The following NR6A1 variants were observed in gnomAD, a reference collection of about 807,000 sequenced individuals.
The protein encoded by NR6A1 is retinoic acid receptor-related testis-associated receptor.
NR6A1 carries 7 observed loss-of-function variants against 59.1 expected under a neutral mutation model. The ratio of observed to expected loss-of-function variants is 0.12; its 90% CI spans 0.07 to 0.22. The LOEUF (loss-of-function observed/expected upper bound fraction) is 0.22. Among genes scored for constraint, NR6A1 ranks in the 10% least tolerant of loss-of-function variants. NR6A1 has a pLI of 1.00. For missense variants in NR6A1, 468 were observed against 611.6 expected, an observed-to-expected ratio of 0.77 and a Z score of 2.48; for synonymous variants, 243 against 236.1, an observed-to-expected ratio of 1.03 and a Z score of -0.27.
At chr9:124,531,718 C>T (rs1036380984) in intron 7 of NR6A1, among the ~76,000 whole-genome samples, 2 of 152,224 alleles carry the variant, frequency 1.3e-5, no homozygotes, top group African/African-American at 4.8e-5. Context: ...ATCTTCCCTG[C>T]TCCTTCATCC....
intron 2 of NR6A1, among the ~76,000 whole-genome samples, chr9:124,707,158 A>T (rs1308460565): frequency 1.3e-5 from 2 of 152,118 alleles, no homozygotes; most frequent in Non-Finnish European, 2.9e-5. Context: ...TTGATGTCCC[A>T]CAGATCTCAG....
In NR6A1 at chr9:124,771,218, A is replaced by G. The variant is rs953904882; in HGVS notation, c.-99T>C. On this transcript the variant is annotated 5_prime_UTR_variant, in exon 1 of 10. Transcript: ENST00000487099. ...CCGCCGAGGGGAGGAGGTTGTCAGG[A>G]GCCCGCGAGCTCCCGGCCGCGGCTC... 10 of 623,594 alleles carry G rather than the reference A, an allele frequency of 1.6e-5. No individual in the cohort carries two copies. Among genetic ancestry groups the G allele is most frequent in the South Asian group, 8.1e-5 (1 of 12,416 alleles). 38.6% of individuals were successfully genotyped at this position (623,594 alleles called of 1,614,324 possible).
intron 7 of NR6A1, 69 bp from the exon 8 acceptor site, chr9:124,526,969 G>A (rs1201412119): frequency 1.9e-6 from 3 of 1,586,902 alleles, no homozygotes; most frequent in Non-Finnish European, 1.7e-6. Flanking sequence ...GGCAGCCAGA[G>A]AGCTCCTACA....
chr9:124,554,195 A>G, intron 3 of NR6A1, 133 bp downstream of exon 3: 3 of 1,381,034 alleles, frequency 2.2e-6, no homozygotes, highest in Non-Finnish European at 2.0e-6. Context: ...AGAATGGTTC[A>G]TTTTTGGTTA....
intron 1 of NR6A1, among the ~76,000 whole-genome samples, chr9:124,739,895 A>G (rs1293980158): frequency 7.9e-5 from 12 of 152,230 alleles, no homozygotes; most frequent in Admixed American, 7.9e-4. Flanking sequence ...CAACAGAGAC[A>G]TGGACTCTGG....
chr9:124,729,429 AC>A (rs932597934), intron 2 of NR6A1, among the ~76,000 whole-genome samples: 1 of 152,158 alleles, frequency 6.6e-6, no homozygotes, highest in Non-Finnish European at 1.5e-5. Flanking sequence ...GAAAAAAAAT[AC>A]AAAAGTTAGC....
Position 124,747,955 on chromosome 9 carries a change from T to C in NR6A1, c.101-14606A>G, listed in dbSNP as rs1223411774. On this transcript the variant is annotated intron_variant, in intron 1 of 9. Transcript: ENST00000487099. ...TTTTCAACTTTTTAGCATACATTAATAGCACCAAATTACAGAAATAAACAA... is the reference window on the plus strand; with the variant it reads ...TTTTCAACTTTTTAGCATACATTAACAGCACCAAATTACAGAAATAAACAA... Among the ~76,000 whole-genome samples the C allele has an allele frequency of 3.9e-5, 6 of 152,208 alleles. No individual in the cohort carries two copies. In the East Asian group the frequency reaches 7.7e-4, roughly 19 times the overall value.
At position 124,682,401 on chromosome 9, in the gene NR6A1, T is replaced by C. The variant is rs1012649878; in HGVS notation, c.142+50907A>G. On this transcript the variant is annotated intron_variant, in intron 2 of 9. Transcript: ENST00000487099. ...CTGACTATTAAAAAATCTTTTTTTA[T>C]ATATCTACGTAAAACCAGATTTTCT... 6.6e-5 allele frequency among the ~76,000 whole-genome samples: 10 copies of C among 152,222 alleles called. No individual in the cohort carries two copies. The East Asian group carries it at 1.5e-3, about 23-fold the overall frequency.
At chr9:124,731,280 G>T (rs777549936) in intron 2 of NR6A1, among the ~76,000 whole-genome samples, 1 of 150,926 alleles carries the variant, frequency 6.6e-6, no homozygotes, top group Non-Finnish European at 1.5e-5. Context: ...TGATGCAGAA[G>T]AATCACTTGA....
chr9:124,573,849 T>C (rs1367356608), intron 2 of NR6A1, among the ~76,000 whole-genome samples: 1 of 152,176 alleles, frequency 6.6e-6, no homozygotes, highest in Non-Finnish European at 1.5e-5. Context: ...TACACATGCA[T>C]GCTTTGGTAT....
At chr9:124,746,506 T>A (rs1840339402) in intron 1 of NR6A1, among the ~76,000 whole-genome samples, 1 of 152,176 alleles carries the variant, frequency 6.6e-6, no homozygotes, top group Admixed American at 6.5e-5. Flanking sequence ...GGAGAATCAC[T>A]TGAACCCGGG....
intron 2 of NR6A1, among the ~76,000 whole-genome samples, chr9:124,604,041 GAGGGCTTACGC>G (rs1337801556): frequency 6.6e-6 from 1 of 152,174 alleles, no homozygotes; most frequent in East Asian, 1.9e-4. Flanking sequence ...AAAGGACAAT[GAGGGCTTACGC>G]AGTCTTTCTT....
intron 2 of NR6A1, among the ~76,000 whole-genome samples, chr9:124,592,082 A>G (rs944450218): frequency 6.6e-5 from 10 of 152,192 alleles, no homozygotes; most frequent in Non-Finnish European, 1.0e-4. Flanking sequence ...TTTGGTTGCC[A>G]TATTTGTGCC....
At position 124,690,450 on chromosome 9, in the gene NR6A1, T is replaced by G. The variant is rs535905506; in HGVS notation, c.142+42858A>C. Among the ~76,000 whole-genome samples the G allele has an allele frequency of 5.9e-4, 90 of 152,256 alleles. 1 individual carries two copies. The South Asian group carries it at 0.018, about 31-fold the overall frequency. ...GGAAAAGAAAGGAGGTATGTGAAATTAAGGAATGGCATGGTGAGTTCTAAC... is the reference window on the plus strand; with the variant it reads ...GGAAAAGAAAGGAGGTATGTGAAATGAAGGAATGGCATGGTGAGTTCTAAC... On this transcript the variant is annotated intron_variant, in intron 2 of 9. Transcript: ENST00000487099.
rs541907107 is a variant in NR6A1, at chr9:124,612,818, T to TTTC, written c.143-58249_143-58248insGAA. Among the ~76,000 whole-genome samples, 5 of 139,716 alleles carry TTTC rather than the reference T, an allele frequency of 3.6e-5. No individual in the cohort carries two copies. The South Asian group carries it at 8.8e-4, about 25-fold the overall frequency. The allele number at this position is 139,716 out of a possible 152,430, so 91.7% of individuals were successfully genotyped here. A position where few individuals can be genotyped will look rare whatever the true frequency, so the allele number is the denominator to read the frequency against. ...TTTTCTTTCTTTCTTTCTTTCTTTC[T>TTTC]TTTCTTTCTTTCTTTCACATCTTCC... On this transcript the variant is annotated intron_variant, in intron 2 of 9. Transcript: ENST00000487099.
chr9:124,649,405 G>A (rs754824948), intron 2 of NR6A1, among the ~76,000 whole-genome samples: 1 of 152,086 alleles, frequency 6.6e-6, no homozygotes, highest in South Asian at 2.1e-4. Flanking sequence ...ATGTCCATAT[G>A]CAGAAGAAAG....
At chr9:124,598,576 C>G (rs539951327) in intron 2 of NR6A1, 1 of 257,014 alleles carries the variant, frequency 3.9e-6, no homozygotes, top group Non-Finnish European at 7.3e-6. Flanking sequence ...AAATTTTGTT[C>G]TTTATATAAC....
intron 2 of NR6A1, among the ~76,000 whole-genome samples, chr9:124,669,098 A>G (rs1305918641): frequency 3.9e-5 from 6 of 152,206 alleles, no homozygotes; most frequent in Non-Finnish European, 8.8e-5. Flanking sequence ...TCAGAAGTAA[A>G]AACAAATCAA....
intron 2 of NR6A1, among the ~76,000 whole-genome samples, chr9:124,636,351 C>T (rs1401437439): frequency 6.6e-6 from 1 of 152,102 alleles, no homozygotes; most frequent in African/African-American, 2.4e-5. Context: ...TGTTTTCCCC[C>T]AGTCTGTGGC....
Sources: gnomAD v4.1 joint callset for allele counts (sites outside exome capture counted in the v4.1 genomes callset) on GRCh38, gnomAD v4.1.1 for gene constraint, MANE v1.5 for transcripts, NCBI Gene and HGNC (gene_info 2026-07-23, HGNC 2026-07-21) for gene names.